CCSER1: variants seen among roughly 807,000 people sequenced by gnomAD.
CCSER1 encodes the protein serine-rich coiled-coil domain-containing protein 1.
CCSER1 carries 41 observed loss-of-function variants against 82.0 expected under a neutral mutation model. The observed-to-expected ratio is 0.50, with a 90% confidence interval of 0.39 to 0.65. CCSER1 has a LOEUF of 0.65. CCSER1 is among the 30% of genes least tolerant of loss of function. The pLI is 0.00. For synonymous variants in CCSER1, 414 were observed against 383.9 expected, an observed-to-expected ratio of 1.08 and a Z score of -0.92; for missense variants, 1,119 against 1,064.2, an observed-to-expected ratio of 1.05 and a Z score of -0.72.
chr4:91,131,965 G>A (rs1199038797), intron 10 of CCSER1, among the ~76,000 whole-genome samples: 1 of 151,652 alleles, frequency 6.6e-6, no homozygotes, highest in Admixed American at 6.6e-5. Flanking sequence ...TCAAAATGAA[G>A]ATGATAATAT....
At chr4:91,192,611 C>A (rs1407416647) in intron 10 of CCSER1, among the ~76,000 whole-genome samples, 2 of 152,076 alleles carry the variant, frequency 1.3e-5, no homozygotes, top group South Asian at 2.1e-4. Flanking sequence ...TCTCCCATAT[C>A]ATTTCCTCTT....
At chr4:90,447,897 A>G (rs1272146133) in intron 4 of CCSER1, among the ~76,000 whole-genome samples, 3 of 152,158 alleles carry the variant, frequency 2.0e-5, no homozygotes, top group African/African-American at 7.2e-5. Flanking sequence ...TTTTTAAATA[A>G]TTGCTTTTAA....
intron 3 of CCSER1, among the ~76,000 whole-genome samples, chr4:90,314,275 G>A (rs1735781949): frequency 6.6e-6 from 1 of 152,072 alleles, no homozygotes; most frequent in African/African-American, 2.4e-5. Flanking sequence ...TTGTTCTTTT[G>A]TGCATTGGCT....
chr4:91,316,709 T>C (rs1408946702), intron 10 of CCSER1, among the ~76,000 whole-genome samples: 1 of 152,046 alleles, frequency 6.6e-6, no homozygotes, highest in Non-Finnish European at 1.5e-5. Context: ...CTTCTACTCC[T>C]GTCTCCTATA....
chr4:91,171,091 C>G (rs1484351829), intron 10 of CCSER1, among the ~76,000 whole-genome samples: 1 of 151,344 alleles, frequency 6.6e-6, no homozygotes, highest in Non-Finnish European at 1.5e-5. Context: ...CTTTTTTTTT[C>G]CAAAATAGAA....
At chr4:91,403,068 C>T (rs1268321871) in intron 10 of CCSER1, among the ~76,000 whole-genome samples, 2 of 152,134 alleles carry the variant, frequency 1.3e-5, no homozygotes, top group African/African-American at 2.4e-5. Context: ...TCTTCTATTT[C>T]GTTGAGCAGT....
chr4:90,628,052 C>A lies in CCSER1; in HGVS notation c.1752C>A (p.Asp584Glu), dbSNP rs559086817. 3 of 1,612,944 alleles carry A rather than the reference C, an allele frequency of 1.9e-6. No individual in the cohort carries two copies. The highest frequency in any genetic ancestry group is 2.7e-5 in the African/African-American group (2 of 74,790). The change falls in exon 6 of 11, where the codon GAC becomes GAA. Residue 584 changes from aspartate to glutamate, a missense_variant. By Grantham distance (45) the Asp-to-Glu change is conservative. Transcript: ENST00000509176. The stretch of plus-strand genomic sequence containing the variant: ...ATCTTTCCCTGAAATTAACAAAGGA[C>A]GTTGATCAAGAAGCCAGGTGTTCCC... ...KQNLSLKLTK[D>E]VDQEARCSHI...
intron 8 of CCSER1, among the ~76,000 whole-genome samples, chr4:90,836,373 G>A (rs1761804815): frequency 6.6e-6 from 1 of 151,984 alleles, no homozygotes; most frequent in Admixed American, 6.6e-5. Flanking sequence ...TAGAATGGAT[G>A]AGCAGATGCA....
intron 10 of CCSER1, among the ~76,000 whole-genome samples, chr4:91,432,787 T>C (rs557993548): frequency 6.6e-6 from 1 of 152,300 alleles, no homozygotes; most frequent in Non-Finnish European, 1.5e-5. Flanking sequence ...GTAATAGAAC[T>C]TCTATATTTC....
intron 6 of CCSER1, among the ~76,000 whole-genome samples, chr4:90,690,918 A>T (rs2149228707): frequency 1.3e-5 from 2 of 152,176 alleles, no homozygotes; most frequent in South Asian, 2.1e-4. Flanking sequence ...TCTGACTCAA[A>T]CAATGAAGTG....
At position 90,368,122 on chromosome 4, in the gene CCSER1, T is replaced by C. The variant is rs148207602; in HGVS notation, c.1510-31914T>C. Among the ~76,000 whole-genome samples the C allele has an allele frequency of 1.9e-3, 287 of 151,944 alleles. 8 individuals are homozygous for C. The South Asian group carries it at 0.036, about 19-fold the overall frequency. On this transcript the variant is annotated intron_variant, in intron 3 of 10. Coordinates refer to ENST00000509176, the MANE Select transcript of CCSER1 (RefSeq NM_001145065.2). ...TCTACAAAAGAACACTCCAATGCTA[T>C]AAATTAATAAATTAACAGATAGGAA...
intron 3 of CCSER1, among the ~76,000 whole-genome samples, chr4:90,358,733 A>G (rs1381355): frequency 0.59 from 89,202 of 151,998 alleles, 27,016 homozygotes; most frequent in African/African-American, 0.74. Context: ...GTAACAAAAT[A>G]AGCTTAGTAA....
At chr4:90,861,050 A>T (rs1247313166) in intron 8 of CCSER1, among the ~76,000 whole-genome samples, 4 of 151,756 alleles carry the variant, frequency 2.6e-5, no homozygotes. Flanking sequence ...TACAAATGAT[A>T]ATAAAAAATC....
intron 4 of CCSER1, among the ~76,000 whole-genome samples, chr4:90,413,327 A>G (rs771643034): frequency 6.6e-6 from 1 of 152,354 alleles, no homozygotes; most frequent in Non-Finnish European, 1.5e-5. Context: ...AACACATCCT[A>G]TGCTCGTGGA....
intron 5 of CCSER1, among the ~76,000 whole-genome samples, chr4:90,505,873 A>G (rs552969501): frequency 2.8e-4 from 42 of 152,266 alleles, no homozygotes; most frequent in Non-Finnish European, 5.3e-4. Context: ...GGTCTTGTAA[A>G]ACAATCCTGC....
chr4:90,496,714 C>T (rs1769058250), intron 5 of CCSER1, among the ~76,000 whole-genome samples: 1 of 152,042 alleles, frequency 6.6e-6, no homozygotes. Context: ...CACAGTGGCT[C>T]ACGCCTGTAA....
chr4:90,775,497 T>C (rs1412105147), intron 7 of CCSER1, among the ~76,000 whole-genome samples: 1 of 152,162 alleles, frequency 6.6e-6, no homozygotes. Flanking sequence ...AAGATCACTT[T>C]AAGGGGAATT....
intron 1 of CCSER1, among the ~76,000 whole-genome samples, chr4:90,202,576 C>T (rs1737971566): frequency 6.6e-6 from 1 of 152,178 alleles, no homozygotes; most frequent in Non-Finnish European, 1.5e-5. Context: ...ATTTTCACAG[C>T]ACTGCTGTTA....
At chr4:90,306,347 G>T (rs2153477078) in intron 1 of CCSER1, among the ~76,000 whole-genome samples, 1 of 151,864 alleles carries the variant, frequency 6.6e-6, no homozygotes, top group South Asian at 2.1e-4. Flanking sequence ...GATTTTAAGT[G>T]CTGTCACTAC....
Sources: gnomAD v4.1 joint callset for allele counts (sites outside exome capture counted in the v4.1 genomes callset) on GRCh38, gnomAD v4.1.1 for gene constraint, MANE v1.5 for transcripts, NCBI Gene and HGNC (gene_info 2026-07-23, HGNC 2026-07-21) for gene names.